The following NCOR2 variants were observed in gnomAD, a reference collection of about 807,000 sequenced individuals.
NCOR2 encodes nuclear receptor corepressor 2, also known as CTG repeat protein 26.
Under a neutral mutation model 262.9 loss-of-function variants are expected in NCOR2, and 81 were observed. That is an observed-to-expected ratio of 0.31 (90% CI 0.26 to 0.37). The LOEUF (loss-of-function observed/expected upper bound fraction) is 0.37. NCOR2 is among the 10% of genes least tolerant of loss of function. The probability of loss-of-function intolerance (pLI) is 1.00; values close to 1 mark genes in which losing one functional copy is unlikely to be tolerated. For missense variants in NCOR2, 3,385 were observed against 3,621.4 expected, an observed-to-expected ratio of 0.93 and a Z score of 1.68; for synonymous variants, 1,659 against 1,559.3, an observed-to-expected ratio of 1.06 and a Z score of -1.51.
At chr12:124,345,300 C>T (rs990340487) in intron 31 of NCOR2, among the ~76,000 whole-genome samples, 1 of 152,142 alleles carries the variant, frequency 6.6e-6, no homozygotes, top group African/African-American at 2.4e-5. Flanking sequence ...AAAAAACATT[C>T]CTCTGTTCAG....
Position 124,335,591 on chromosome 12 carries a change from C to T in NCOR2, c.6157G>A (p.Val2053Ile), listed in dbSNP as rs768673077. 52 of 1,607,830 alleles carry T rather than the reference C, an allele frequency of 3.2e-5. No homozygotes were observed. The highest frequency in any genetic ancestry group is 6.7e-5 in the Admixed American group (4 of 59,970). Residue 2053 changes from valine (V) to isoleucine (I), a missense_variant, in exon 39 of 47, where the codon GTC becomes ATC. Transcript: ENST00000405201. ...AGACTGGGTGAGCTCACAGGGCTGA[C>T]GGGCTCCACCCCTTCGGGGCTGTAG...
At position 124,326,466 on chromosome 12, in the gene NCOR2, G is replaced by A. The variant is rs190985041; in HGVS notation, c.7184-96C>T. 1.1e-4 allele frequency: 128 copies of A among 1,206,954 alleles called. No individual in the cohort carries two copies. The African/African-American group carries it at 1.9e-3, about 18-fold the overall frequency. The allele number at this position is 1,206,954 out of a possible 1,614,324, so 74.8% of individuals were successfully genotyped here. ...CAGGGGCAGGGTGAGGTCCTGCCAT[G>A]GGCCCTCCAAAGAGGGAGGGAGAGC... On this transcript the variant is annotated intron_variant, in intron 45 of 46. Coordinates refer to ENST00000405201, the Ensembl canonical transcript of NCOR2.
At chr12:124,361,972 C>A (rs1424692821) in intron 22 of NCOR2, among the ~76,000 whole-genome samples, 154 bp downstream of exon 24, 1 of 152,274 alleles carries the variant, frequency 6.6e-6, no homozygotes, top group African/African-American at 2.4e-5. Context: ...CCATTCCCAA[C>A]TGCCTCCCCC....
At chr12:124,332,456 G>A (rs368706721) in exon 43 of NCOR2, 2 of 1,614,186 alleles carry the variant, frequency 1.2e-6, no homozygotes, top group South Asian at 1.1e-5. Context: ...TGGAGACTTG[G>A]AGCCCATCCT....
chr12:124,342,968 C>T (rs200876897), intron 33 of NCOR2, 37 bp downstream of exon 35: 4 of 1,602,080 alleles, frequency 2.5e-6, no homozygotes, highest in Non-Finnish European at 3.4e-6. Flanking sequence ...CCCTGTTCAG[C>T]ACCACTGCAG....
chr12:124,410,882 C>T (rs2042541206), intron 13 of NCOR2, among the ~76,000 whole-genome samples: 2 of 152,054 alleles, frequency 1.3e-5, no homozygotes, highest in Non-Finnish European at 2.9e-5. Flanking sequence ...TCACCAGTCC[C>T]TCCGCAAAGA....
chr12:124,405,235 A>T (rs1278832262), intron 13 of NCOR2, among the ~76,000 whole-genome samples: 2 of 152,160 alleles, frequency 1.3e-5, no homozygotes, highest in Non-Finnish European at 2.9e-5. Flanking sequence ...GCTCCGTCCC[A>T]CATGGTCTCC....
At chr12:124,418,493 G>A (rs1361813022) in intron 13 of NCOR2, among the ~76,000 whole-genome samples, 1 of 152,144 alleles carries the variant, frequency 6.6e-6, no homozygotes, top group Admixed American at 6.5e-5. Flanking sequence ...CAGCTCTGGG[G>A]AGGGGCTAGA....
intron 1 of NCOR2, among the ~76,000 whole-genome samples, chr12:124,505,982 G>A (rs1000233594): frequency 6.6e-6 from 1 of 151,472 alleles, no homozygotes; most frequent in Non-Finnish European, 1.5e-5. Flanking sequence ...CCCAGCACCA[G>A]CCCCATCTCT....
chr12:124,395,326 C>T (rs999532058), intron 16 of NCOR2, among the ~76,000 whole-genome samples: 4 of 152,248 alleles, frequency 2.6e-5, no homozygotes, highest in Admixed American at 2.0e-4. Context: ...CCTGTCTCCC[C>T]GCCCCACCCC....
intron 6 of NCOR2, among the ~76,000 whole-genome samples, chr12:124,450,425 C>T (rs2045447297): frequency 2.0e-5 from 3 of 152,194 alleles, no homozygotes; most frequent in African/African-American, 2.4e-5. Flanking sequence ...TACCTGGTAA[C>T]GAACACCGAC....
At chr12:124,386,169 G>A (rs75988694) in intron 16 of NCOR2, among the ~76,000 whole-genome samples, 3,811 of 152,232 alleles carry the variant, frequency 0.025, 77 homozygotes, top group Middle Eastern at 0.044. Context: ...AGCCAAAAGC[G>A]ACAGGTGAAG....
At position 124,356,707 on chromosome 12, in the gene NCOR2, G is replaced by C. The variant is rs200662620; in HGVS notation, c.3176C>G (p.Pro1059Arg). 6.1e-5 allele frequency: 91 copies of C among 1,496,178 alleles called. No homozygotes were observed. The highest frequency in any genetic ancestry group is 2.8e-4 in the Admixed American group (10 of 35,170). The allele number at this position is 1,496,178 out of a possible 1,614,324, so 92.7% of individuals were successfully genotyped here. A position where few individuals can be genotyped will look rare whatever the true frequency, so the allele number is the denominator to read the frequency against. The stretch of plus-strand genomic sequence containing the variant: ...CGGGGAGGCCTTGATCACCTCACGG[G>C]GGGGCACGGGGAAGGGCAGGCCGGA... Residue 1059 changes from proline to arginine, a missense_variant, in exon 23 of 47, where the codon CCC (proline) becomes CGC (arginine). Transcript: ENST00000405201.
In NCOR2 at chr12:124,466,170, T is replaced by C. The variant is rs748885082; in HGVS notation, c.705+3A>G. 5.6e-6 allele frequency: 9 copies of C among 1,606,282 alleles called. No individual in the cohort carries two copies. The highest frequency in any genetic ancestry group is 2.7e-5 in the African/African-American group (2 of 74,534). On this transcript the variant is annotated splice_donor_region_variant and intron_variant, in intron 5 of 46. Coordinates refer to ENST00000405201, the Ensembl canonical transcript of NCOR2. ...GGCAGCAGGCCAGGGCGGGGACACA[T>C]ACCCGGTTCTCGTCGTAGATGATCT...
intron 27 of NCOR2, 45 bp downstream of exon 29, chr12:124,354,048 G>C: frequency 6.5e-7 from 1 of 1,548,912 alleles, no homozygotes; most frequent in Non-Finnish European, 8.8e-7. Context: ...GGCTGGCCCC[G>C]TGCTGGTCCC....
In NCOR2 at chr12:124,392,335, T is replaced by C. The variant is rs2041363212; in HGVS notation, c.1876+5784A>G. Among the ~76,000 whole-genome samples the C allele has an allele frequency of 2.0e-5, 3 of 152,096 alleles. 1 individual carries two copies. The South Asian group carries it at 6.2e-4, about 31-fold the overall frequency. ...CCAATTTTTTCCTCCCTCCAAACCA[T>C]CACAACAGACTGTTTCTCACATATC... On this transcript the variant is annotated intron_variant, in intron 16 of 46. Coordinates refer to ENST00000405201, the Ensembl canonical transcript of NCOR2.
At chr12:124,434,602 T>C (rs932703787) in intron 8 of NCOR2, among the ~76,000 whole-genome samples, 1 of 152,042 alleles carries the variant, frequency 6.6e-6, no homozygotes, top group African/African-American at 2.4e-5. Context: ...AGCGATCCTT[T>C]TAAATGGAAA....
rs1017202885 is a variant in NCOR2, at chr12:124,457,377, G to A, written c.706-215C>T. Among the ~76,000 whole-genome samples the A allele has an allele frequency of 4.6e-5, 7 of 151,890 alleles. No homozygotes were observed. In the East Asian group the frequency reaches 5.8e-4, roughly 13 times the overall value. On this transcript the variant is annotated intron_variant, in intron 5 of 46. Coordinates refer to ENST00000405201, the Ensembl canonical transcript of NCOR2. This position sits in a 1 kb window ranked among gnomAD's most constrained non-coding sequence, Gnocchi z 4.0. ...AATACCCCCACAGCGGCCCCAGCAA[G>A]CCAGCCAAGTTTCGATTTTAGCAAA...
In NCOR2 at chr12:124,527,263, C is replaced by T. The variant is rs542543581; in HGVS notation, c.-118+8302G>A. Among the ~76,000 whole-genome samples the T allele has an allele frequency of 7.9e-5, 12 of 152,252 alleles. No individual in the cohort carries two copies. The East Asian group carries it at 2.1e-3, about 27-fold the overall frequency. On this transcript the variant is annotated intron_variant, in intron 1 of 46. Coordinates refer to the NCOR2 transcript ENST00000404621. ...GCCCTGTAGGGTGAGATGGGAAGGA[C>T]GCAGACGGGGGCAGATGACTTGAGT... is the stretch of plus-strand genomic sequence containing the variant.
Sources: gnomAD v4.1 joint callset for allele counts (sites outside exome capture counted in the v4.1 genomes callset) on GRCh38, gnomAD v4.1.1 for gene constraint, Gnocchi (gnomAD v3.1) non-coding constraint, MANE v1.5 for transcripts, NCBI Gene and HGNC (gene_info 2026-07-23, HGNC 2026-07-21) for gene names.